Variants in TRIM4 observed in about 807,000 individuals in gnomAD.
TRIM4 encodes the protein E3 ubiquitin-protein ligase TRIM4.
A neutral mutation model predicts 33.7 loss-of-function variants in TRIM4; 29 were observed. The ratio of observed to expected loss-of-function variants is 0.86; its 90% CI spans 0.64 to 1.17. The LOEUF is 1.17. TRIM4 is among the 50% of genes most tolerant of loss of function. The pLI is 0.00. For synonymous variants in TRIM4, 224 were observed against 233.0 expected, an observed-to-expected ratio of 0.96 and a Z score of 0.35; for missense variants, 554 against 593.7, an observed-to-expected ratio of 0.93 and a Z score of 0.69.
intron 3 of TRIM4, among the ~76,000 whole-genome samples, chr7:99,904,626 G>A (rs919433443): frequency 6.6e-6 from 1 of 152,126 alleles, no homozygotes; most frequent in Non-Finnish European, 1.5e-5. Flanking sequence ...AGGGGTATGT[G>A]GGAACTCTGT....
intron 3 of TRIM4, chr7:99,908,349 T>A (rs1294776745): frequency 4.4e-6 from 2 of 456,672 alleles, no homozygotes; most frequent in Admixed American, 3.7e-5. Context: ...AGATGAACTA[T>A]GAGACTGTGT....
intron 1 of TRIM4, among the ~76,000 whole-genome samples, chr7:99,912,076 G>A (rs895388603): frequency 6.6e-6 from 1 of 152,160 alleles, no homozygotes; most frequent in Non-Finnish European, 1.5e-5. Flanking sequence ...AAATCAGAAC[G>A]GTGGTTGCCC....
intron 3 of TRIM4, among the ~76,000 whole-genome samples, chr7:99,904,351 A>T (rs57128906): frequency 0.018 from 2,712 of 152,174 alleles, 79 homozygotes; most frequent in African/African-American, 0.062. Flanking sequence ...CCTGACCAAC[A>T]CTCCTCAAAA....
chr7:99,905,124 G>A (rs567143847), intron 3 of TRIM4, among the ~76,000 whole-genome samples: 1 of 152,148 alleles, frequency 6.6e-6, no homozygotes, highest in Non-Finnish European at 1.5e-5. Context: ...TTTAGGAAGA[G>A]GGAAGGGGTG....
chr7:99,899,143 A>C (rs902521331), intron 5 of TRIM4, among the ~76,000 whole-genome samples: 1 of 152,198 alleles, frequency 6.6e-6, no homozygotes, highest in Non-Finnish European at 1.5e-5. Flanking sequence ...TGGTCTAAGA[A>C]GACTGTGTAT....
chr7:99,907,159 C>T (rs1819324979), intron 3 of TRIM4, among the ~76,000 whole-genome samples: 1 of 152,074 alleles, frequency 6.6e-6, no homozygotes, highest in African/African-American at 2.4e-5. Flanking sequence ...GCTCTGTCGC[C>T]CAGGCTGGAG....
At chr7:99,901,271 A>G (rs1819159972) in intron 5 of TRIM4, 1 of 152,184 alleles carries the variant, frequency 6.6e-6, no homozygotes, top group African/African-American at 2.4e-5. Flanking sequence ...CACATTTTTC[A>G]TCTTTAAAAC....
intron 5 of TRIM4, among the ~76,000 whole-genome samples, chr7:99,896,387 G>A (rs1214882104): frequency 2.6e-5 from 4 of 152,176 alleles, no homozygotes; most frequent in Non-Finnish European, 5.9e-5. Context: ...GCTGTACAGA[G>A]GATCAAGGCC....
intron 1 of TRIM4, among the ~76,000 whole-genome samples, chr7:99,911,929 A>C (rs958377400): frequency 1.3e-5 from 2 of 152,252 alleles, no homozygotes; most frequent in African/African-American, 2.4e-5. Context: ...CAAAAACCGC[A>C]ATTACATTTG....
In TRIM4 at chr7:99,919,327, G is replaced by C. The variant is rs1461617061; in HGVS notation, c.75C>G (p.Ile25Met). 1 of 1,573,440 alleles carries C rather than the reference G, an allele frequency of 6.4e-7. No homozygotes were observed. Among genetic ancestry groups the C allele is most frequent in the Admixed American group, 1.8e-5 (1 of 54,556 alleles). Residue 25 changes from isoleucine to methionine, a missense_variant, in exon 1 of 6, where the codon ATC becomes ATG. Physicochemically the swap from Ile to Met is conservative, Grantham distance 10. Transcript: ENST00000349062. ...CLDYFQDPVS[I>M]ECGHNFCRGC... ...CGCGGCAGAAGTTGTGGCCGCACTC[G>C]ATGGACACCGGGTCCTGGAAATAGT...
At chr7:99,915,064 C>A (rs1033091677) in intron 1 of TRIM4, among the ~76,000 whole-genome samples, 4 of 152,202 alleles carry the variant, frequency 2.6e-5, no homozygotes, top group African/African-American at 9.6e-5. Context: ...CGCGTCTCAG[C>A]CTCCCAAAGT....
chr7:99,903,484 T>C (rs1819224258), intron 4 of TRIM4, 92 bp downstream of exon 4: 9 of 1,542,530 alleles, frequency 5.8e-6, no homozygotes, highest in Non-Finnish European at 8.1e-6. Context: ...GTGCCCAGAC[T>C]GACCTATGGA....
chr7:99,907,526 T>G (rs1168665834), intron 3 of TRIM4, among the ~76,000 whole-genome samples: 1 of 152,258 alleles, frequency 6.6e-6, no homozygotes, highest in Non-Finnish European at 1.5e-5. Flanking sequence ...TCTAATTAGA[T>G]GTTAAGCCTG....
At chr7:99,897,957 C>A (rs1819059919) in intron 5 of TRIM4, among the ~76,000 whole-genome samples, 2 of 152,348 alleles carry the variant, frequency 1.3e-5, no homozygotes, top group South Asian at 4.1e-4. Flanking sequence ...CAGCAAACCG[C>A]TTCACCAACT....
chr7:99,919,488 C>T lies in TRIM4; in HGVS notation c.-87G>A. 7.3e-7 allele frequency: 1 copy of T among 1,366,438 alleles called. No homozygotes were observed. The highest frequency in any genetic ancestry group is 9.6e-7 in the Non-Finnish European group (1 of 1,043,872). 84.6% of individuals were successfully genotyped at this position (1,366,438 alleles called of 1,614,324 possible). A position where few individuals can be genotyped will look rare whatever the true frequency, so the allele number is the denominator to read the frequency against. Reference sequence around the variant, plus strand: ...GAGCGGCCGCGGGGAGGCCAGACGACTTCCGAACCGCCGTCACCGCCTCAC... The same window carrying T: ...GAGCGGCCGCGGGGAGGCCAGACGATTTCCGAACCGCCGTCACCGCCTCAC... On this transcript the variant is annotated 5_prime_UTR_variant, in exon 1 of 6. Transcript: ENST00000349062.
intron 1 of TRIM4, chr7:99,917,949 G>C: frequency 1.6e-6 from 1 of 627,562 alleles, no homozygotes; most frequent in Non-Finnish European, 2.0e-6. Context: ...AAGCCAGTAT[G>C]GCTGAAGCAG....
At chr7:99,895,452 T>C (rs1363705231) in intron 5 of TRIM4, among the ~76,000 whole-genome samples, 1 of 152,228 alleles carries the variant, frequency 6.6e-6, no homozygotes, top group Middle Eastern at 3.2e-3. Flanking sequence ...AATTTGACAC[T>C]TGCTTTACAG....
chr7:99,898,677 C>A (rs1369114370), intron 5 of TRIM4, among the ~76,000 whole-genome samples: 4 of 152,168 alleles, frequency 2.6e-5, no homozygotes, highest in Admixed American at 1.3e-4. Context: ...ATGGCTGCAG[C>A]CTTCAAGGAT....
intron 3 of TRIM4, among the ~76,000 whole-genome samples, chr7:99,906,763 T>C (rs571333262): frequency 6.6e-6 from 1 of 152,232 alleles, no homozygotes; most frequent in South Asian, 2.1e-4. Context: ...GGAAAATTAC[T>C]TGAGCCCAGC....
Sources: allele counts gnomAD v4.1 joint callset (sites outside exome capture counted in the v4.1 genomes callset), GRCh38; gene constraint gnomAD v4.1.1; transcripts MANE v1.5; gene names NCBI Gene and HGNC (gene_info 2026-07-23, HGNC 2026-07-21).